The following ETS1 variants were observed in gnomAD, a reference collection of about 807,000 sequenced individuals.
ETS1 encodes the protein ETS proto-oncogene 1, transcription factor, also known as protein C-ets-1.
A neutral mutation model predicts 58.6 loss-of-function variants in ETS1; 15 were observed. That is an observed-to-expected ratio of 0.26 (90% confidence interval 0.17 to 0.39). The LOEUF is 0.39. Ranked by LOEUF, ETS1 falls within the 10% of genes least tolerant of loss-of-function variation. ETS1 has a pLI of 1.00. For synonymous variants in ETS1, 214 were observed against 218.2 expected (o/e 0.98, Z 0.17); for missense variants, 417 against 610.5 (o/e 0.68, Z 3.34).
chr11:128,490,387 C>G, intron 4 of ETS1, 70 bp downstream of exon 4: 1 of 1,550,442 alleles, frequency 6.4e-7, no homozygotes, highest in Non-Finnish European at 8.9e-7. Context: ...CTCACACACT[C>G]CAGGTGAGAA....
intron 3 of ETS1, among the ~76,000 whole-genome samples, chr11:128,507,548 C>T (rs1171320835): frequency 2.0e-5 from 3 of 152,182 alleles, no homozygotes; most frequent in Admixed American, 1.3e-4. Flanking sequence ...TTTCTAGGTG[C>T]CAGATTCTGG....
At chr11:128,485,227 A>G (rs1862596411) in intron 6 of ETS1, among the ~76,000 whole-genome samples, 156 bp from the exon 7 acceptor site, 1 of 152,224 alleles carries the variant, frequency 6.6e-6, no homozygotes, top group Admixed American at 6.5e-5. Context: ...AACCTTGTCC[A>G]CTACTAAACA....
rs1037232249 is a variant in ETS1 at position 128,460,831 on chromosome 11, T to C, written c.*1530A>G. The C allele has an allele frequency of 6.6e-6, 1 of 152,360 alleles. No individual in the cohort carries two copies. Among genetic ancestry groups the C allele is most frequent in the Non-Finnish European group, 1.5e-5 (1 of 68,072 alleles). 9.4% of individuals were successfully genotyped at this position (152,360 alleles called of 1,614,324 possible). On this transcript the variant is annotated 3_prime_UTR_variant, in exon 10 of 10. Coordinates refer to ENST00000392668, the MANE Select transcript of ETS1 (RefSeq NM_001143820.2). ...CCTTTGCCTTCAAGTCATTCCTCTCTTCTGGAATTAACCTTCACTTACCCT... is the reference window on the plus strand; with the variant it reads ...CCTTTGCCTTCAAGTCATTCCTCTCCTCTGGAATTAACCTTCACTTACCCT...
intron 2 of ETS1, among the ~76,000 whole-genome samples, chr11:128,566,597 C>T (rs1053785635): frequency 6.6e-6 from 1 of 152,132 alleles, no homozygotes; most frequent in Admixed American, 6.5e-5. Context: ...TCCTGGCTAA[C>T]ACAGTGAAAC....
chr11:128,499,772 G>A (rs970191747), intron 3 of ETS1, among the ~76,000 whole-genome samples: 5 of 152,116 alleles, frequency 3.3e-5, no homozygotes, highest in Non-Finnish European at 7.3e-5. Context: ...ACCTCGGCTC[G>A]GGGCCCACTT....
intron 2 of ETS1, chr11:128,571,893 A>C (rs1864642719): frequency 6.6e-6 from 1 of 151,944 alleles, no homozygotes; most frequent in African/African-American, 2.4e-5. Flanking sequence ...AAATACAAAA[A>C]ATTAGTTGGG....
At chr11:128,506,300 A>C (rs1435399559) in intron 3 of ETS1, among the ~76,000 whole-genome samples, 1 of 152,250 alleles carries the variant, frequency 6.6e-6, no homozygotes, top group Admixed American at 6.5e-5. Flanking sequence ...CTCAATTTAA[A>C]AAAAAGTAAA....
Position 128,463,155 on chromosome 11 carries a change from A to G in ETS1, c.1242+354T>C, listed in dbSNP as rs1245203696. Among the ~76,000 whole-genome samples, 1 of 152,222 alleles carries G rather than the reference A, an allele frequency of 6.6e-6. No homozygotes were observed. The highest frequency in any genetic ancestry group is 1.9e-4 in the East Asian group (1 of 5,198). Reference sequence around the variant, plus strand: ...AATGAAATAAGAAACTAATGAGCCAATCTCCCAAGGCCTCTTGAACTGTCT... The same window carrying G: ...AATGAAATAAGAAACTAATGAGCCAGTCTCCCAAGGCCTCTTGAACTGTCT... On this transcript the variant is annotated intron_variant, in intron 9 of 9. Transcript: ENST00000392668. The surrounding 1 kb of genome is among the most constrained non-coding windows in gnomAD (Gnocchi z 4.1).
intron 2 of ETS1, among the ~76,000 whole-genome samples, chr11:128,562,220 C>A (rs889795312): frequency 6.6e-6 from 1 of 152,128 alleles, no homozygotes; most frequent in African/African-American, 2.4e-5. Flanking sequence ...ACCAGCCTGG[C>A]CAACAAGTTG....
chr11:128,584,892 GAAGA>G (rs1010502884), intron 1 of ETS1, among the ~76,000 whole-genome samples: 3 of 137,738 alleles, frequency 2.2e-5, no homozygotes, highest in African/African-American at 8.2e-5. Context: ...GAGAGAAGAA[GAAGA>G]AAGGAGGGGA....
At chr11:128,537,833 T>C (rs1863994146) in intron 3 of ETS1, among the ~76,000 whole-genome samples, 1 of 152,148 alleles carries the variant, frequency 6.6e-6, no homozygotes, top group African/African-American at 2.4e-5. Context: ...TCCATTGTTT[T>C]AAAGCTATAT....
chr11:128,489,382 G>A lies in ETS1; in HGVS notation c.443C>T (p.Ala148Val). 1 of 1,614,166 alleles carries A rather than the reference G, an allele frequency of 6.2e-7. No individual in the cohort carries two copies. The highest frequency in any genetic ancestry group is 8.5e-7 in the Non-Finnish European group (1 of 1,180,014). ...GCAGTCTTTACCCAGGGCGCAGAGG[G>A]CTGCTCCATTCATACAGAACTTCTG... The part of the protein sequence containing the change: ...DFQKFCMNGA[A>V]LCALGKDCFL... The change falls in exon 5 of 10, where the codon GCC becomes GTC. Residue 148 changes from alanine (A) to valine (V), a missense_variant. By Grantham distance (64) the Ala-to-Val change is moderately conservative. Coordinates refer to ENST00000392668, the MANE Select transcript of ETS1 (RefSeq NM_001143820.2).
At chr11:128,547,042 T>G (rs1226712652) in intron 3 of ETS1, among the ~76,000 whole-genome samples, 1 of 152,188 alleles carries the variant, frequency 6.6e-6, no homozygotes, top group Non-Finnish European at 1.5e-5. Flanking sequence ...AGGAGAGATC[T>G]GGCTAGACTT....
chr11:128,570,803 C>T (rs1864611035), intron 2 of ETS1, among the ~76,000 whole-genome samples: 2 of 152,196 alleles, frequency 1.3e-5, no homozygotes, highest in African/African-American at 4.8e-5. Flanking sequence ...GCAACTTCTT[C>T]AGCCCTCGAT....
chr11:128,564,233 G>T (rs1864452795), intron 2 of ETS1, among the ~76,000 whole-genome samples: 1 of 152,088 alleles, frequency 6.6e-6, no homozygotes, highest in Non-Finnish European at 1.5e-5. Context: ...GTGGTGAGGG[G>T]GTGCAGCCAC....
intron 3 of ETS1, 137 bp from the exon 4 acceptor site, chr11:128,490,713 A>AT: frequency 4.1e-5 from 19 of 468,966 alleles, no homozygotes; most frequent in South Asian, 9.1e-5. Flanking sequence ...CAGAGCAGGC[A>AT]ATTTTTTTTT....
intron 2 of ETS1, among the ~76,000 whole-genome samples, chr11:128,558,403 G>T (rs113653546): frequency 6.6e-6 from 1 of 152,170 alleles, no homozygotes; most frequent in African/African-American, 2.4e-5. Flanking sequence ...CCAGCACTTC[G>T]GGAGGCCGAG....
intron 3 of ETS1, among the ~76,000 whole-genome samples, chr11:128,518,820 GA>G (rs1403669082): frequency 2.0e-5 from 3 of 152,380 alleles, no homozygotes; most frequent in Admixed American, 1.3e-4. Flanking sequence ...GTTCCCGATG[GA>G]TGTACACCCT....
At chr11:128,543,086 G>A (rs183071052) in intron 3 of ETS1, among the ~76,000 whole-genome samples, 248 of 152,014 alleles carry the variant, frequency 1.6e-3, no homozygotes, top group Non-Finnish European at 2.7e-3. Flanking sequence ...CCAGCTACTC[G>A]GGAGGCTGAG....
Sources: gnomAD v4.1 joint callset for allele counts (sites outside exome capture counted in the v4.1 genomes callset) on GRCh38, gnomAD v4.1.1 for gene constraint, Gnocchi (gnomAD v3.1) non-coding constraint, MANE v1.5 for transcripts, NCBI Gene and HGNC (gene_info 2026-07-23, HGNC 2026-07-21) for gene names.